KCNH7: variants seen among roughly 807,000 people sequenced by gnomAD.
KCNH7 encodes the protein potassium voltage-gated channel subfamily H member 7, also known as voltage-gated inwardly rectifying potassium channel KCNH7.
A neutral mutation model predicts 120.8 loss-of-function variants in KCNH7; 49 were observed. The observed-to-expected ratio is 0.41, with a 90% CI of 0.32 to 0.51. The LOEUF is 0.51. Among genes scored for constraint, KCNH7 ranks in the 20% least tolerant of loss-of-function variants. The probability of loss-of-function intolerance (pLI) is 0.38; values close to 1 mark genes in which losing one functional copy is unlikely to be tolerated. For missense variants in KCNH7, 1,097 were observed against 1,446.6 expected, an observed-to-expected ratio of 0.76 and a Z score of 3.92; for synonymous variants, 547 against 516.1, an observed-to-expected ratio of 1.06 and a Z score of -0.81.
intron 2 of KCNH7, among the ~76,000 whole-genome samples, chr2:162,644,454 T>C (rs1013856859): frequency 1.3e-5 from 2 of 152,176 alleles, no homozygotes; most frequent in African/African-American, 4.8e-5. Flanking sequence ...TCACAACATA[T>C]CTACAATTCT....
intron 8 of KCNH7, among the ~76,000 whole-genome samples, chr2:162,424,270 C>A (rs1443367261): frequency 1.3e-5 from 2 of 152,144 alleles, no homozygotes; most frequent in Non-Finnish European, 2.9e-5. Context: ...GCTATGAGAT[C>A]CCTTGCAACA....
intron 2 of KCNH7, among the ~76,000 whole-genome samples, chr2:162,681,078 A>G (rs931570425): frequency 6.6e-5 from 10 of 151,846 alleles, no homozygotes; most frequent in Non-Finnish European, 1.0e-4. Context: ...GCCTAGGATT[A>G]TGGGAAAGTT....
At chr2:162,757,122 C>G (rs1325510849) in intron 2 of KCNH7, among the ~76,000 whole-genome samples, 3 of 151,934 alleles carry the variant, frequency 2.0e-5, no homozygotes, top group Non-Finnish European at 4.4e-5. Context: ...GTGCATTTTT[C>G]ATTTTTAGAT....
intron 3 of KCNH7, among the ~76,000 whole-genome samples, chr2:162,532,555 A>G (rs957478760): frequency 2.6e-5 from 4 of 151,978 alleles, no homozygotes; most frequent in Admixed American, 1.3e-4. Flanking sequence ...ATACTATGTC[A>G]TATCTACCTA....
At chr2:162,462,027 T>C (rs1416839317) in intron 6 of KCNH7, among the ~76,000 whole-genome samples, 3 of 152,126 alleles carry the variant, frequency 2.0e-5, no homozygotes, top group South Asian at 2.1e-4. Context: ...CCTGTAGAAA[T>C]GATGTACGTG....
intron 2 of KCNH7, among the ~76,000 whole-genome samples, chr2:162,575,852 G>A (rs1693652557): frequency 6.6e-6 from 1 of 152,058 alleles, no homozygotes; most frequent in Non-Finnish European, 1.5e-5. Context: ...AGCTCACAGA[G>A]ACATTTTGCA....
chr2:162,449,077 A>G (rs1266597029), intron 6 of KCNH7, among the ~76,000 whole-genome samples: 1 of 151,996 alleles, frequency 6.6e-6, no homozygotes, highest in African/African-American at 2.4e-5. Flanking sequence ...AGGGTAAGAA[A>G]GCATAAAATC....
chr2:162,692,422 A>G (rs972764790), intron 2 of KCNH7, among the ~76,000 whole-genome samples: 11 of 152,124 alleles, frequency 7.2e-5, no homozygotes, highest in Non-Finnish European at 1.6e-4. Context: ...TTCTTGATAT[A>G]CACACATGCA....
At chr2:162,443,682 C>A (rs1688493915) in intron 7 of KCNH7, among the ~76,000 whole-genome samples, 1 of 152,208 alleles carries the variant, frequency 6.6e-6, no homozygotes, top group African/African-American at 2.4e-5. Context: ...TAGTTCCCTG[C>A]TCCTAGCCTG....
At chr2:162,587,975 T>C (rs1694073407) in intron 2 of KCNH7, among the ~76,000 whole-genome samples, 1 of 152,114 alleles carries the variant, frequency 6.6e-6, no homozygotes, top group South Asian at 2.1e-4. Context: ...GAAACAGCCT[T>C]ATATCTCTAA....
chr2:162,748,980 T>TTCCC (rs1291164085), intron 2 of KCNH7, among the ~76,000 whole-genome samples: 1 of 132,988 alleles, frequency 7.5e-6, no homozygotes, highest in Non-Finnish European at 1.6e-5. Context: ...CCTTCCTTCC[T>TTCCC]TCCTTCCTTC....
intron 9 of KCNH7, among the ~76,000 whole-genome samples, chr2:162,422,817 G>GA (rs1014414920): frequency 2.6e-5 from 4 of 152,024 alleles, no homozygotes; most frequent in South Asian, 2.1e-4. Context: ...TTAAAATATA[G>GA]AAAAAAAATT....
chr2:162,610,898 G>T lies in KCNH7; in HGVS notation c.308-73818C>A, dbSNP rs116513730. On this transcript the variant is annotated intron_variant, in intron 2 of 15. Coordinates refer to ENST00000332142, the MANE Select transcript of KCNH7 (RefSeq NM_033272.4). Reference sequence around the variant, plus strand: ...TGTAAGACAATAAATGTGAAAGCCAGGTTCAGAGAAAACACAACTGTTGGA... The same window carrying T: ...TGTAAGACAATAAATGTGAAAGCCATGTTCAGAGAAAACACAACTGTTGGA... 9.4e-3 allele frequency among the ~76,000 whole-genome samples: 1,439 copies of T among 152,302 alleles called. 14 individuals are homozygous for T. Among genetic ancestry groups the T allele is most frequent in the Non-Finnish European group, 0.014 (949 of 68,024 alleles).
At chr2:162,538,451 GAT>G (rs1252041631) in intron 2 of KCNH7, among the ~76,000 whole-genome samples, 1 of 151,950 alleles carries the variant, frequency 6.6e-6, no homozygotes, top group Admixed American at 6.6e-5. Flanking sequence ...TTGAGAGCAA[GAT>G]TAGTCTGGCA....
chr2:162,395,216 C>T (rs1686875666), intron 11 of KCNH7, among the ~76,000 whole-genome samples: 1 of 151,648 alleles, frequency 6.6e-6, no homozygotes, highest in African/African-American at 2.4e-5. Context: ...TTCAACTATA[C>T]AAGGATTGGT....
intron 2 of KCNH7, among the ~76,000 whole-genome samples, chr2:162,808,094 A>G (rs1258781495): frequency 6.6e-6 from 1 of 152,204 alleles, no homozygotes; most frequent in Non-Finnish European, 1.5e-5. Context: ...AGTCTGATAT[A>G]TAAAATGGCA....
intron 2 of KCNH7, among the ~76,000 whole-genome samples, chr2:162,565,730 T>C (rs1333974457): frequency 1.3e-5 from 2 of 152,064 alleles, no homozygotes; most frequent in Non-Finnish European, 2.9e-5. Flanking sequence ...TTATAAACTA[T>C]TTATAAACTT....
At chr2:162,674,345 TAAG>T (rs917680176) in intron 2 of KCNH7, among the ~76,000 whole-genome samples, 4 of 151,930 alleles carry the variant, frequency 2.6e-5, no homozygotes, top group East Asian at 1.9e-4. Flanking sequence ...GAAAGGCATT[TAAG>T]AAGATCTGAG....
intron 2 of KCNH7, among the ~76,000 whole-genome samples, chr2:162,668,099 T>C (rs1004567471): frequency 5.3e-5 from 8 of 152,146 alleles, no homozygotes; most frequent in Non-Finnish European, 1.0e-4. Flanking sequence ...TATTGAATTC[T>C]TTTATGATAT....
Sources: allele counts gnomAD v4.1 joint callset (sites outside exome capture counted in the v4.1 genomes callset), GRCh38; gene constraint gnomAD v4.1.1; transcripts MANE v1.5; gene names NCBI Gene and HGNC (gene_info 2026-07-23, HGNC 2026-07-21).